SLC2A3: variants seen among roughly 807,000 people sequenced by gnomAD.
SLC2A3 encodes solute carrier family 2, facilitated glucose transporter member 3.
A neutral mutation model predicts 46.4 loss-of-function variants in SLC2A3; 21 were observed. That is an observed-to-expected ratio of 0.45 (90% CI 0.32 to 0.65). SLC2A3 has a LOEUF of 0.65. Ranked by LOEUF, SLC2A3 falls within the 30% of genes least tolerant of loss-of-function variation. SLC2A3 has a pLI of 0.04. For synonymous variants in SLC2A3, 213 were observed against 239.4 expected, an observed-to-expected ratio of 0.89 and a Z score of 1.02; for missense variants, 499 against 623.3, an observed-to-expected ratio of 0.80 and a Z score of 2.12.
intron 1 of SLC2A3, among the ~76,000 whole-genome samples, chr12:7,935,729 C>T (rs960368631): frequency 6.6e-6 from 1 of 152,098 alleles, no homozygotes; most frequent in Admixed American, 6.6e-5. Flanking sequence ...GCAGCCCGAT[C>T]CTCTAAACAC....
chr12:7,921,730 T>C, intron 9 of SLC2A3, 99 bp from the exon 10 acceptor site: 4 of 1,274,030 alleles, frequency 3.1e-6, no homozygotes, highest in Non-Finnish European at 4.3e-6. Context: ...CTTCAAGCTA[T>C]AACCCTTCCA....
chr12:7,931,584 T>C (rs1946156456), intron 3 of SLC2A3, 99 bp from the exon 4 acceptor site: 6 of 1,494,312 alleles, frequency 4.0e-6, no homozygotes, highest in Non-Finnish European at 5.4e-6. Context: ...GCTCATATCA[T>C]CCCTTTTTTT....
intron 3 of SLC2A3, among the ~76,000 whole-genome samples, chr12:7,931,779 G>A (rs192235593): frequency 2.0e-4 from 31 of 151,864 alleles, no homozygotes; most frequent in African/African-American, 7.0e-4. Flanking sequence ...CTCTTTCTTG[G>A]GGGGTAAAAA....
intron 6 of SLC2A3, among the ~76,000 whole-genome samples, chr12:7,927,393 T>C (rs746197802): frequency 6.6e-6 from 1 of 152,104 alleles, no homozygotes; most frequent in Admixed American, 6.6e-5. Context: ...AAAAACCTAA[T>C]GTACATGTAC....
rs762586293 is a variant in SLC2A3, at chr12:7,930,598, C to T, written c.555G>A (p.Pro185=). ...EFILGSEELW[P]LLLGFTILPA... is the part of the protein sequence containing the mutation. ...GAAGGATGGTAAAACCCAGTAGCAGCGGCCATAGCTCTTCAGACCCAAGGA... is the reference window on the plus strand; with the variant it reads ...GAAGGATGGTAAAACCCAGTAGCAGTGGCCATAGCTCTTCAGACCCAAGGA... Residue 185 remains proline (P), a synonymous_variant, in exon 5 of 10, where the codon CCG becomes CCA. Transcript: ENST00000075120. The T allele has an allele frequency of 1.3e-5, 21 of 1,613,678 alleles. 1 individual carries two copies. Among genetic ancestry groups the T allele is most frequent in the South Asian group, 3.3e-5 (3 of 91,074 alleles).
At chr12:7,933,695 C>G (rs1592359108) in intron 2 of SLC2A3, 115 bp downstream of exon 2, 1 of 1,089,752 alleles carries the variant, frequency 9.2e-7, no homozygotes, top group East Asian at 2.4e-5. Context: ...TCAGGAGTAG[C>G]TGGGACTCCA....
chr12:7,931,280 G>T lies in SLC2A3; in HGVS notation c.475C>A (p.Gln159Lys). The stretch of plus-strand genomic sequence containing the variant: ...AGAATTCCAACAACGATGCCCAGCT[G>T]GTTGAGAGTGCCAAAGGCACCCCGC... ...ALRGAFGTLN[Q>K]LGIVVGILVA... Residue 159 changes from glutamine to lysine, a missense_variant, in exon 4 of 10, where the codon CAG (glutamine) becomes AAG (lysine). Physicochemically the swap from Gln to Lys is moderately conservative, Grantham distance 53 (BLOSUM62 1). Transcript: ENST00000075120. 1 of 1,614,188 alleles carries T rather than the reference G, an allele frequency of 6.2e-7. No individual in the cohort carries two copies. Among genetic ancestry groups the T allele is most frequent in the East Asian group, 2.2e-5 (1 of 44,876 alleles).
chr12:7,921,815 C>CA (rs1946039114), intron 9 of SLC2A3, among the ~76,000 whole-genome samples, 184 bp from the exon 10 acceptor site: 1 of 152,126 alleles, frequency 6.6e-6, no homozygotes, highest in Non-Finnish European at 1.5e-5. Context: ...CTCTAGTTTT[C>CA]TTTCTGTCAT....
chr12:7,928,912 C>G (rs2300140), intron 6 of SLC2A3, among the ~76,000 whole-genome samples: 3 of 151,534 alleles, frequency 2.0e-5, no homozygotes, highest in Non-Finnish European at 2.9e-5. Flanking sequence ...CTCAGCCTCC[C>G]GAGTAGTAGC....
At chr12:7,926,184 C>T (rs932639428) in intron 6 of SLC2A3, among the ~76,000 whole-genome samples, 4 of 152,088 alleles carry the variant, frequency 2.6e-5, no homozygotes, top group Non-Finnish European at 5.9e-5. Context: ...CTCCACCTCC[C>T]AGATTCAAGC....
chr12:7,923,673 T>G (rs983024920), intron 8 of SLC2A3, among the ~76,000 whole-genome samples: 1 of 152,080 alleles, frequency 6.6e-6, no homozygotes, highest in Non-Finnish European at 1.5e-5. Flanking sequence ...TTGCGTAGGC[T>G]GGTCTTGAAC....
intron 6 of SLC2A3, 64 bp downstream of exon 6, chr12:7,929,620 A>G: frequency 6.3e-7 from 1 of 1,585,536 alleles, no homozygotes; most frequent in South Asian, 1.1e-5. Context: ...GCACACCGCC[A>G]CCATGCCCGG....
In SLC2A3 at chr12:7,928,913, G is replaced by A. The variant is rs532624882; in HGVS notation, c.861+771C>T. Among the ~76,000 whole-genome samples the A allele has an allele frequency of 2.8e-4, 43 of 151,552 alleles. 1 individual carries two copies. Among genetic ancestry groups the A allele is most frequent in the Non-Finnish European group, 3.5e-4 (24 of 67,880 alleles). On this transcript the variant is annotated intron_variant, in intron 6 of 9. Coordinates refer to ENST00000075120, the MANE Select transcript of SLC2A3 (RefSeq NM_006931.3). ...AGTGATATTCCCACCTCAGCCTCCC[G>A]AGTAGTAGCTGGGACTACAGGCATG...
rs528021387 is a variant in SLC2A3, at chr12:7,933,841, T to C, written c.77A>G (p.Tyr26Cys). The C allele has an allele frequency of 3.7e-6, 6 of 1,614,056 alleles. No homozygotes were observed. Among genetic ancestry groups the C allele is most frequent in the Non-Finnish European group, 4.2e-6 (5 of 1,179,966 alleles). ...AGGAGCATTGATGACCCCAGTGTTG[T>C]AGCCAAATTGGAAAGAGCCGATTGT... Reference protein sequence around the residue: ...VATIGSFQFGYNTGVINAPEK... With the variant: ...VATIGSFQFGCNTGVINAPEK... The change falls in exon 2 of 10, where the codon TAC (tyrosine) becomes TGC (cysteine). Residue 26 changes from tyrosine to cysteine, a missense_variant. By Grantham distance (194) the Tyr-to-Cys change is radical (BLOSUM62 -2). This residue lies in a region of SLC2A3 where 248 missense variants were observed against 284.0 expected (regional missense o/e 0.87). Coordinates refer to ENST00000075120, the MANE Select transcript of SLC2A3 (RefSeq NM_006931.3).
chr12:7,933,990 G>T lies in SLC2A3; in HGVS notation c.16-88C>A, dbSNP rs1946187043. 6 of 1,295,722 alleles carry T rather than the reference G, an allele frequency of 4.6e-6. No homozygotes were observed. The Admixed American group carries it at 1.2e-4, about 26-fold the overall frequency. The allele number at this position is 1,295,722 out of a possible 1,614,324, so 80.3% of individuals were successfully genotyped here. On this transcript the variant is annotated intron_variant, in intron 1 of 9. Coordinates refer to ENST00000075120, the MANE Select transcript of SLC2A3 (RefSeq NM_006931.3). Reference sequence around the variant, plus strand: ...TATTAATTATGGAGCTGTATTAGGAGAATTTGAGTTATGAGTGGTATGAAA... The same window carrying T: ...TATTAATTATGGAGCTGTATTAGGATAATTTGAGTTATGAGTGGTATGAAA...
chr12:7,926,888 C>G (rs1036429188), intron 6 of SLC2A3, among the ~76,000 whole-genome samples: 1 of 152,186 alleles, frequency 6.6e-6, no homozygotes, highest in Non-Finnish European at 1.5e-5. Flanking sequence ...ATGTTGTTTG[C>G]TAGGCACTGT....
intron 3 of SLC2A3, among the ~76,000 whole-genome samples, chr12:7,931,904 C>T (rs1453314655): frequency 7.4e-6 from 1 of 135,338 alleles, no homozygotes; most frequent in Non-Finnish European, 1.5e-5. Flanking sequence ...TTTTTGGAGA[C>T]GGAGTCTTGG....
chr12:7,923,149 A>G (rs1592353647), intron 8 of SLC2A3, 125 bp from the exon 9 acceptor site: 2 of 915,090 alleles, frequency 2.2e-6, no homozygotes, highest in Non-Finnish European at 3.3e-6. Context: ...GTGGCTGTGG[A>G]GTCAAAAGGC....
chr12:7,931,521 A>C lies in SLC2A3; in HGVS notation c.270-36T>G, dbSNP rs1277373340. On this transcript the variant is annotated intron_variant, in intron 3 of 9. Coordinates refer to ENST00000075120, the MANE Select transcript of SLC2A3 (RefSeq NM_006931.3). ...AATCAAAGACAAAGTAGAATTAGCA[A>C]AGTGAGAGGCTCCTAACTTCTCCTC... 3 of 1,612,512 alleles carry C rather than the reference A, an allele frequency of 1.9e-6. No homozygotes were observed. In the Admixed American group the frequency reaches 5.0e-5, roughly 27 times the overall value.
Sources: gnomAD v4.1 joint callset for allele counts (sites outside exome capture counted in the v4.1 genomes callset) on GRCh38, gnomAD v4.1.1 for gene constraint, gnomAD v4.1.1 regional missense constraint, MANE v1.5 for transcripts, NCBI Gene and HGNC (gene_info 2026-07-23, HGNC 2026-07-21) for gene names.